KCNIP4: variants seen among roughly 807,000 people sequenced by gnomAD.
KCNIP4 encodes the protein potassium voltage-gated channel interacting protein 4, also known as Kv channel-interacting protein 4.
A neutral mutation model predicts 34.0 loss-of-function variants in KCNIP4; 12 were observed. That is an observed-to-expected ratio of 0.35 (90% CI 0.23 to 0.57). KCNIP4 has a LOEUF of 0.57. KCNIP4 is among the 20% of genes least tolerant of loss of function. The probability of loss-of-function intolerance (pLI) is 0.83; values close to 1 mark genes in which losing one functional copy is unlikely to be tolerated. For missense variants in KCNIP4, 238 were observed against 311.7 expected (o/e 0.76, Z 1.78); for synonymous variants, 124 against 102.2 (o/e 1.21, Z -1.29).
intron 1 of KCNIP4, among the ~76,000 whole-genome samples, chr4:21,633,116 C>T (rs1745878596): frequency 6.6e-6 from 1 of 152,148 alleles, no homozygotes; most frequent in African/African-American, 2.4e-5. Context: ...CAAGCTCCCT[C>T]ACAAAAATCT....
chr4:21,837,031 C>T (rs1196231652), intron 1 of KCNIP4, among the ~76,000 whole-genome samples: 2 of 151,024 alleles, frequency 1.3e-5, no homozygotes, highest in Non-Finnish European at 2.9e-5. Context: ...CATTCTCCTG[C>T]CTCAGCCTCC....
rs928276072 is a variant in KCNIP4, at chr4:21,904,516, G to C, written c.61+44055C>G. Among the ~76,000 whole-genome samples the C allele has an allele frequency of 2.0e-5, 3 of 152,136 alleles. No individual in the cohort carries two copies. The South Asian group carries it at 6.2e-4, about 31-fold the overall frequency. On this transcript the variant is annotated intron_variant, in intron 1 of 8. Coordinates refer to ENST00000382152, the MANE Select transcript of KCNIP4 (RefSeq NM_025221.6). Reference sequence around the variant, plus strand: ...ATACATTTTCAAAATCTGGCTGATTGAACCAGTGTCTCACCAAACATCTTT... The same window carrying C: ...ATACATTTTCAAAATCTGGCTGATTCAACCAGTGTCTCACCAAACATCTTT...
intron 1 of KCNIP4, among the ~76,000 whole-genome samples, chr4:21,901,161 G>A (rs1727682292): frequency 6.6e-6 from 1 of 152,154 alleles, no homozygotes; most frequent in African/African-American, 2.4e-5. Context: ...AAAAGCTGAG[G>A]ATAAAATTTA....
chr4:21,252,322 T>C (rs1397972895), intron 1 of KCNIP4, among the ~76,000 whole-genome samples: 2 of 151,918 alleles, frequency 1.3e-5, no homozygotes, highest in Admixed American at 1.3e-4. Context: ...GAGACAGCGT[T>C]TCACCACGTT....
At chr4:21,390,943 G>A (rs937411030) in intron 1 of KCNIP4, among the ~76,000 whole-genome samples, 3 of 152,102 alleles carry the variant, frequency 2.0e-5, no homozygotes, top group Non-Finnish European at 4.4e-5. Flanking sequence ...GTGCATGAAG[G>A]TTCTAATTTC....
At chr4:21,712,804 C>T (rs1022571238) in intron 1 of KCNIP4, among the ~76,000 whole-genome samples, 1 of 152,140 alleles carries the variant, frequency 6.6e-6, no homozygotes, top group African/African-American at 2.4e-5. Context: ...CTGGTCATAG[C>T]AGCCATTAGT....
chr4:21,358,215 T>C (rs759399836), intron 1 of KCNIP4, among the ~76,000 whole-genome samples: 12 of 152,046 alleles, frequency 7.9e-5, no homozygotes, highest in African/African-American at 4.8e-5. Context: ...AAATACCTAA[T>C]GTAAATGACG....
chr4:21,361,347 C>A (rs1013969930), intron 1 of KCNIP4, among the ~76,000 whole-genome samples: 1 of 152,008 alleles, frequency 6.6e-6, no homozygotes, highest in Non-Finnish European at 1.5e-5. Flanking sequence ...CTGCAATTAC[C>A]TCAGGAAATG....
intron 1 of KCNIP4, among the ~76,000 whole-genome samples, chr4:21,502,684 T>C (rs1481652611): frequency 1.3e-5 from 2 of 152,124 alleles, no homozygotes; most frequent in Non-Finnish European, 2.9e-5. Context: ...CAGGAATAAA[T>C]TATGAAATCA....
At chr4:21,809,711 G>A (rs891994002) in intron 1 of KCNIP4, among the ~76,000 whole-genome samples, 5 of 152,014 alleles carry the variant, frequency 3.3e-5, no homozygotes, top group African/African-American at 1.2e-4. Context: ...TTAAACCACA[G>A]GAAGTTTAAT....
At chr4:21,518,625 A>T (rs1275584789) in intron 1 of KCNIP4, among the ~76,000 whole-genome samples, 1 of 151,938 alleles carries the variant, frequency 6.6e-6, no homozygotes, top group African/African-American at 2.4e-5. Context: ...AAATATCCCT[A>T]CGCTGTGGTG....
chr4:21,566,975 G>T (rs1335349503), intron 1 of KCNIP4, among the ~76,000 whole-genome samples: 1 of 152,052 alleles, frequency 6.6e-6, no homozygotes, highest in East Asian at 1.9e-4. Context: ...GAAAAGAACT[G>T]CCAGGCTCAC....
chr4:21,619,649 G>C (rs1158074863), intron 1 of KCNIP4, among the ~76,000 whole-genome samples: 15 of 152,180 alleles, frequency 9.9e-5, no homozygotes, highest in Admixed American at 9.8e-4. Flanking sequence ...GGCTCCCTTT[G>C]TTGATTGTAT....
At chr4:21,746,583 A>C (rs1019800073) in intron 1 of KCNIP4, among the ~76,000 whole-genome samples, 1 of 67,820 alleles carries the variant, frequency 1.5e-5, no homozygotes, top group Non-Finnish European at 3.3e-5. Flanking sequence ...CAATATAATC[A>C]AGAAAAAATA....
chr4:21,076,692 C>T (rs1047422359), intron 1 of KCNIP4, among the ~76,000 whole-genome samples: 3 of 151,622 alleles, frequency 2.0e-5, no homozygotes, highest in Non-Finnish European at 4.4e-5. Flanking sequence ...ATTCAATACA[C>T]CTGGGCAGCT....
At chr4:21,910,104 G>A (rs1358642162) in intron 1 of KCNIP4, among the ~76,000 whole-genome samples, 2 of 152,052 alleles carry the variant, frequency 1.3e-5, no homozygotes, top group African/African-American at 4.8e-5. Flanking sequence ...GGAGGGCACA[G>A]AGCTCATAAG....
At chr4:21,633,344 C>T (rs60822377) in intron 1 of KCNIP4, among the ~76,000 whole-genome samples, 2 of 152,146 alleles carry the variant, frequency 1.3e-5, no homozygotes, top group East Asian at 3.9e-4. Context: ...TTGGATTTGG[C>T]CATAAAACCC....
In KCNIP4 at chr4:21,519,519, T is replaced by TGTGTGTATATGTATGTGTATATACAC. The variant is rs1560479856; in HGVS notation, c.61+429051_61+429052insGTGTATATACACATACATATACACAC. ...GTGTATGTGTATGTGTATATACACA[T>TGTGTGTATATGTATGTGTATATACAC]ATGTGTGTATGTGTATGTGTATATA... On this transcript the variant is annotated intron_variant, in intron 1 of 8. Transcript: ENST00000382152. 4.8e-5 allele frequency among the ~76,000 whole-genome samples: 3 copies of TGTGTGTATATGTATGTGTATATACAC among 62,162 alleles called. 1 individual carries two copies. The highest frequency in any genetic ancestry group is 1.5e-4 in the African/African-American group (3 of 20,516). 40.8% of individuals were successfully genotyped at this position (62,162 alleles called of 152,430 possible). A position where few individuals can be genotyped will look rare whatever the true frequency, so the allele number is the denominator to read the frequency against.
chr4:21,911,604 TCACACACACACACACACACACA>T (rs149500330), intron 1 of KCNIP4, among the ~76,000 whole-genome samples: 42,909 of 129,798 alleles, frequency 0.33, 7,494 homozygotes, highest in Non-Finnish European at 0.4. Flanking sequence ...GAATTGATAT[TCACACACACACACACACACACA>T]CACACACACA....
Sources: allele counts gnomAD v4.1 joint callset (sites outside exome capture counted in the v4.1 genomes callset), GRCh38; gene constraint gnomAD v4.1.1; transcripts MANE v1.5; gene names NCBI Gene and HGNC (gene_info 2026-07-23, HGNC 2026-07-21).